CNTN4: variants seen among roughly 807,000 people sequenced by gnomAD.
CNTN4 encodes the protein contactin 4.
CNTN4 carries 77 observed loss-of-function variants against 122.5 expected under a neutral mutation model. That is an observed-to-expected ratio of 0.63 (90% CI 0.52 to 0.76). The LOEUF (loss-of-function observed/expected upper bound fraction) is 0.76. Ranked by LOEUF, CNTN4 falls within the 30% of genes least tolerant of loss-of-function variation. The pLI, the probability that CNTN4 is intolerant of heterozygous loss-of-function variation, is 0.00. For missense variants in CNTN4, 1,256 were observed against 1,259.1 expected (o/e 1.00, Z 0.04); for synonymous variants, 512 against 447.0 (o/e 1.15, Z -1.83).
chr3:2,630,218 T>G (rs1559325634), intron 4 of CNTN4, among the ~76,000 whole-genome samples: 1 of 152,166 alleles, frequency 6.6e-6, no homozygotes, highest in Non-Finnish European at 1.5e-5. Context: ...GCGGATCACT[T>G]GAGGTCAGGA....
intron 3 of CNTN4, among the ~76,000 whole-genome samples, chr3:2,517,478 G>T (rs905334478): frequency 3.3e-5 from 5 of 152,132 alleles, no homozygotes; most frequent in African/African-American, 1.2e-4. Context: ...GTTTGAGGAG[G>T]TTGATTTTAT....
chr3:2,130,574 T>C (rs560506798), intron 2 of CNTN4, among the ~76,000 whole-genome samples: 1 of 152,304 alleles, frequency 6.6e-6, no homozygotes, highest in African/African-American at 2.4e-5. Flanking sequence ...TGTAAATTTG[T>C]TCCTTTGGCA....
At chr3:2,522,180 T>A (rs1047426072) in intron 3 of CNTN4, among the ~76,000 whole-genome samples, 1 of 147,476 alleles carries the variant, frequency 6.8e-6, no homozygotes, top group African/African-American at 2.5e-5. Context: ...TGTGTGTGTG[T>A]GTGTGTGTGT....
chr3:2,545,100 C>T (rs1175527217), intron 3 of CNTN4, among the ~76,000 whole-genome samples: 2 of 151,994 alleles, frequency 1.3e-5, no homozygotes, highest in Non-Finnish European at 2.9e-5. Context: ...CAAAGAATTT[C>T]TTGATTTCTG....
chr3:2,585,459 A>G (rs2080147706), intron 4 of CNTN4, among the ~76,000 whole-genome samples: 1 of 152,130 alleles, frequency 6.6e-6, no homozygotes, highest in African/African-American at 2.4e-5. Context: ...TCAGTGATAG[A>G]CTGGATTAAG....
intron 14 of CNTN4, among the ~76,000 whole-genome samples, chr3:3,021,960 C>T (rs917197046): frequency 2.0e-5 from 3 of 151,726 alleles, no homozygotes; most frequent in African/African-American, 7.3e-5. Context: ...ACCAGTGGCT[C>T]ATGCCTGTAA....
At chr3:2,667,899 T>C (rs1235893221) in intron 4 of CNTN4, among the ~76,000 whole-genome samples, 1 of 152,118 alleles carries the variant, frequency 6.6e-6, no homozygotes, top group Non-Finnish European at 1.5e-5. Flanking sequence ...ATCAGATAGT[T>C]ATAGATATGT....
chr3:2,222,750 G>T (rs111242160), intron 2 of CNTN4, among the ~76,000 whole-genome samples: 7 of 152,034 alleles, frequency 4.6e-5, no homozygotes, highest in African/African-American at 1.7e-4. Flanking sequence ...ATAAGCTATC[G>T]TTGGCCTTAT....
intron 6 of CNTN4, among the ~76,000 whole-genome samples, chr3:2,799,122 G>T (rs2092284665): frequency 6.6e-6 from 1 of 151,966 alleles, no homozygotes; most frequent in Non-Finnish European, 1.5e-5. Context: ...TATATTTGTT[G>T]TCCATTTGTA....
At position 3,029,397 on chromosome 3, in the gene CNTN4, G is replaced by C. The variant is rs570544136; in HGVS notation, c.1663-1458G>C. Among the ~76,000 whole-genome samples, 3 of 152,272 alleles carry C rather than the reference G, an allele frequency of 2.0e-5. No individual in the cohort carries two copies. The East Asian group carries it at 5.8e-4, about 29-fold the overall frequency. On this transcript the variant is annotated intron_variant, in intron 15 of 24. Transcript: ENST00000418658. ...GTCAATAAAGGTCTTTTGAAAGTCA[G>C]TAAATCAAGGCCAAGAGAGATTAAG... is the stretch of plus-strand genomic sequence containing the variant.
chr3:2,463,930 A>G (rs753599240), intron 3 of CNTN4, among the ~76,000 whole-genome samples: 2 of 152,168 alleles, frequency 1.3e-5, no homozygotes, highest in Non-Finnish European at 2.9e-5. Context: ...ACCTAGAACC[A>G]GAACAAGTGT....
intron 13 of CNTN4, among the ~76,000 whole-genome samples, chr3:2,940,102 T>G (rs2094600175): frequency 6.6e-6 from 1 of 152,120 alleles, no homozygotes; most frequent in African/African-American, 2.4e-5. Flanking sequence ...AATTGTTACT[T>G]TTGAAGTAAT....
At chr3:2,910,334 A>G (rs1288267071) in intron 12 of CNTN4, among the ~76,000 whole-genome samples, 1 of 152,232 alleles carries the variant, frequency 6.6e-6, no homozygotes, top group Non-Finnish European at 1.5e-5. Context: ...AATACTTTAT[A>G]TACAATCCTA....
At chr3:2,242,139 A>C (rs2039965704) in intron 2 of CNTN4, among the ~76,000 whole-genome samples, 1 of 152,186 alleles carries the variant, frequency 6.6e-6, no homozygotes, top group South Asian at 2.1e-4. Flanking sequence ...TTTAAAATTA[A>C]GGGTCAGGAA....
rs1480700561 is a variant in CNTN4, at chr3:2,841,955, A to G, written c.454+22374A>G. On this transcript the variant is annotated intron_variant, in intron 7 of 24. Transcript: ENST00000418658. The surrounding 1 kb of genome is among the most constrained non-coding windows in gnomAD (Gnocchi z 4.8). ...ATTGAAATATATGATTTTAAAACAG[A>G]TTGAAACCAGAAATAAATAAATAAA... is the stretch of plus-strand genomic sequence containing the variant. 6.6e-6 allele frequency among the ~76,000 whole-genome samples: 1 copy of G among 152,114 alleles called. No homozygotes were observed.
intron 4 of CNTN4, among the ~76,000 whole-genome samples, chr3:2,605,748 A>G (rs1226612092): frequency 6.6e-6 from 1 of 152,196 alleles, no homozygotes; most frequent in African/African-American, 2.4e-5. Context: ...GATGCCATTC[A>G]TTTATACCAC....
chr3:2,678,358 T>C (rs1234750245), intron 4 of CNTN4, among the ~76,000 whole-genome samples: 1 of 152,208 alleles, frequency 6.6e-6, no homozygotes, highest in Non-Finnish European at 1.5e-5. Context: ...TCCTTAATAA[T>C]ATTGATTATA....
chr3:3,043,672 C>A lies in CNTN4; in HGVS notation c.2779C>A (p.Leu927Met). ...CCTGAATTGGGATCAAGTGAAGGCCCTGGATAATGAGTCGGAAGTAAAAGG... is the reference window on the plus strand; with the variant it reads ...CCTGAATTGGGATCAAGTGAAGGCCATGGATAATGAGTCGGAAGTAAAAGG... ...IILNWDQVKA[L>M]DNESEVKGYK... Residue 927 changes from leucine to methionine, a missense_variant, in exon 23 of 25, where the codon CTG (leucine) becomes ATG (methionine). Leu to Met is a conservative substitution (Grantham distance 15, BLOSUM62 2). Transcript: ENST00000418658. 1.2e-6 allele frequency: 2 copies of A among 1,613,636 alleles called. No homozygotes were observed. The highest frequency in any genetic ancestry group is 3.3e-5 in the Admixed American group (2 of 60,024).
At chr3:2,128,622 A>T (rs1391624489) in intron 2 of CNTN4, among the ~76,000 whole-genome samples, 2 of 152,200 alleles carry the variant, frequency 1.3e-5, no homozygotes, top group Non-Finnish European at 2.9e-5. Context: ...GTCAGTTTGG[A>T]TGATGATGGT....
Sources: gnomAD v4.1 joint callset for allele counts (sites outside exome capture counted in the v4.1 genomes callset) on GRCh38, gnomAD v4.1.1 for gene constraint, Gnocchi (gnomAD v3.1) non-coding constraint, MANE v1.5 for transcripts, NCBI Gene and HGNC (gene_info 2026-07-23, HGNC 2026-07-21) for gene names.